Variants in SLC44A5 observed in about 807,000 individuals in gnomAD.
The protein encoded by SLC44A5 is choline transporter-like protein 5.
Under a neutral mutation model 101.8 loss-of-function variants are expected in SLC44A5, and 57 were observed. That is an observed-to-expected ratio of 0.56 (90% CI 0.45 to 0.70). The LOEUF is 0.70. Ranked by LOEUF, SLC44A5 falls within the 30% of genes least tolerant of loss-of-function variation. The pLI is 0.00. For missense variants in SLC44A5, 737 were observed against 853.1 expected, an observed-to-expected ratio of 0.86 and a Z score of 1.70; for synonymous variants, 281 against 290.9, an observed-to-expected ratio of 0.97 and a Z score of 0.35.
At chr1:75,258,145 GT>G (rs954420727) in intron 6 of SLC44A5, among the ~76,000 whole-genome samples, 3 of 151,892 alleles carry the variant, frequency 2.0e-5, no homozygotes, top group African/African-American at 4.8e-5. Context: ...GCTAGTCACA[GT>G]TTTTTTTCAT....
chr1:75,566,705 G>GC (rs1239478250), intron 1 of SLC44A5, among the ~76,000 whole-genome samples: 7 of 152,168 alleles, frequency 4.6e-5, no homozygotes, highest in Admixed American at 6.5e-5. Context: ...AACTGACAAT[G>GC]CATTTATCTG....
intron 2 of SLC44A5, among the ~76,000 whole-genome samples, chr1:75,446,983 T>C (rs918379230): frequency 4.6e-5 from 7 of 152,200 alleles, no homozygotes; most frequent in African/African-American, 1.7e-4. Context: ...TGTATTATTC[T>C]TTAATTTGAT....
At chr1:75,246,445 AC>A (rs1269604979) in intron 7 of SLC44A5, among the ~76,000 whole-genome samples, 2 of 152,050 alleles carry the variant, frequency 1.3e-5, no homozygotes, top group African/African-American at 4.8e-5. Flanking sequence ...CTGATCCCCT[AC>A]TCTGAGCCTG....
rs1646996593 is a variant in SLC44A5 at position 75,217,949 on chromosome 1, C to A, written c.1541G>T (p.Gly514Val). ...AFGRAIRYHT[G>V]SLAFGSLIIA... is the part of the protein sequence containing the mutation. ...AATTAAAGATCCAAATGCTAGGGAT[C>A]CTGTGTGATATCTGCACAAAAATAA... Residue 514 changes from glycine (G) to valine (V), a missense_variant, in exon 18 of 24, where the codon GGA (glycine) becomes GTA (valine). Coordinates refer to ENST00000370859, the MANE Select transcript of SLC44A5 (RefSeq NM_001130058.2). The A allele has an allele frequency of 6.3e-7, 1 of 1,594,804 alleles. No individual in the cohort carries two copies. The highest frequency in any genetic ancestry group is 1.1e-5 in the South Asian group (1 of 90,560).
intron 7 of SLC44A5, among the ~76,000 whole-genome samples, chr1:75,250,757 C>T (rs1162474733): frequency 6.6e-6 from 1 of 152,082 alleles, no homozygotes; most frequent in African/African-American, 2.4e-5. Flanking sequence ...CTTAAGCCAC[C>T]CTTAAGATGG....
chr1:75,614,755 G>A (rs1359822305), upstream of SLC44A5, among the ~76,000 whole-genome samples: 1 of 152,140 alleles, frequency 6.6e-6, no homozygotes, highest in African/African-American at 2.4e-5. Context: ...GGCCCATTGT[G>A]TTGAAATCCA....
At chr1:75,490,388 T>C (rs1668365371) in intron 2 of SLC44A5, among the ~76,000 whole-genome samples, 1 of 152,208 alleles carries the variant, frequency 6.6e-6, no homozygotes, top group Non-Finnish European at 1.5e-5. Flanking sequence ...TGATTTTCTT[T>C]GCTCACCTAC....
intron 3 of SLC44A5, among the ~76,000 whole-genome samples, chr1:75,345,619 G>A (rs1658195446): frequency 6.6e-6 from 1 of 152,114 alleles, no homozygotes; most frequent in Non-Finnish European, 1.5e-5. Context: ...GATGGTTATG[G>A]AATAACTTTT....
At chr1:75,383,153 C>A (rs1661018732) in intron 3 of SLC44A5, among the ~76,000 whole-genome samples, 1 of 63,656 alleles carries the variant, frequency 1.6e-5, no homozygotes, top group African/African-American at 6.4e-5. Flanking sequence ...TCTAAAAGCA[C>A]AGCACTTAAT....
At chr1:75,443,935 A>G (rs1321924747) in intron 2 of SLC44A5, among the ~76,000 whole-genome samples, 3 of 152,162 alleles carry the variant, frequency 2.0e-5, no homozygotes, top group Admixed American at 2.0e-4. Flanking sequence ...TTTAAAAACC[A>G]TATGATCATC....
intron 2 of SLC44A5, among the ~76,000 whole-genome samples, chr1:75,525,834 A>C (rs900836157): frequency 1.3e-5 from 2 of 152,252 alleles, no homozygotes; most frequent in African/African-American, 4.8e-5. Context: ...AAAAGTTCAC[A>C]TACTTACAAA....
chr1:75,211,833 C>CT lies in SLC44A5; in HGVS notation c.1963-282dup, dbSNP rs35421893. On this transcript the variant is annotated intron_variant, in intron 22 of 23. Coordinates refer to ENST00000370859, the MANE Select transcript of SLC44A5 (RefSeq NM_001130058.2). ...TTTCCCCTTTCTTTTCTTTTCTTTTCTTTTTTTTCTTTTCTTTTCCCTCCC... is the reference window on the plus strand; with the variant it reads ...TTTCCCCTTTCTTTTCTTTTCTTTTCTTTTTTTTTCTTTTCTTTTCCCTCCC... Among the ~76,000 whole-genome samples the CT allele has an allele frequency of 1.2e-4, 17 of 146,692 alleles. No individual in the cohort carries two copies. In the South Asian group the frequency reaches 2.4e-3, roughly 21 times the overall value.
At chr1:75,398,378 A>T (rs1662262057) in intron 2 of SLC44A5, 1 of 985,396 alleles carries the variant, frequency 1.0e-6, no homozygotes, top group East Asian at 1.1e-4. Context: ...CCCATTTGGA[A>T]TCAGTGCCGG....
intron 1 of SLC44A5, among the ~76,000 whole-genome samples, chr1:75,571,168 C>A (rs561270342): frequency 6.6e-6 from 1 of 152,262 alleles, no homozygotes; most frequent in Non-Finnish European, 1.5e-5. Flanking sequence ...AAAATGTTGA[C>A]TCTGCAAACA....
intron 1 of SLC44A5, among the ~76,000 whole-genome samples, chr1:75,586,002 G>A (rs1449239349): frequency 6.6e-6 from 1 of 152,112 alleles, no homozygotes; most frequent in South Asian, 2.1e-4. Context: ...CATTTTACAG[G>A]TCAACTTGAC....
intron 1 of SLC44A5, among the ~76,000 whole-genome samples, chr1:75,603,454 G>A (rs1675114495): frequency 6.6e-6 from 1 of 151,438 alleles, no homozygotes. Context: ...GCGGGTGCAT[G>A]TGTCTTTCTG....
chr1:75,612,291 G>A (rs1461225176), upstream of SLC44A5, among the ~76,000 whole-genome samples: 1 of 152,066 alleles, frequency 6.6e-6, no homozygotes, highest in African/African-American at 2.4e-5. Flanking sequence ...AATATCCAAT[G>A]GCTTCTCATT....
chr1:75,386,995 C>G (rs1570095738), intron 3 of SLC44A5, among the ~76,000 whole-genome samples: 2 of 151,846 alleles, frequency 1.3e-5, no homozygotes, highest in East Asian at 3.9e-4. Flanking sequence ...GCTGGGAAAA[C>G]TGGCTAGCCA....
chr1:75,237,047 G>C lies in SLC44A5; in HGVS notation c.680C>G (p.Ala227Gly). ...AANGINKLLD[A>G]KSLGLKVFED... ...AAACACTTTCAATCCAAGTGACTTT[G>C]CATCAAGAAGTTTATTGATACCACT... is the stretch of plus-strand genomic sequence containing the variant. Residue 227 changes from alanine (A) to glycine (G), a missense_variant, in exon 11 of 24, where the codon GCA (alanine) becomes GGA (glycine). This residue lies in a region of SLC44A5 where 665 missense variants were observed against 764.4 expected (regional missense o/e 0.87). Transcript: ENST00000370859. 1 of 1,601,576 alleles carries C rather than the reference G, an allele frequency of 6.2e-7. No individual in the cohort carries two copies. The highest frequency in any genetic ancestry group is 2.2e-5 in the East Asian group (1 of 44,600).
Sources: gnomAD v4.1 joint callset for allele counts (sites outside exome capture counted in the v4.1 genomes callset) on GRCh38, gnomAD v4.1.1 for gene constraint, gnomAD v4.1.1 regional missense constraint, MANE v1.5 for transcripts, NCBI Gene and HGNC (gene_info 2026-07-23, HGNC 2026-07-21) for gene names.